The following EMSY variants were observed in gnomAD, a reference collection of about 807,000 sequenced individuals.
The protein encoded by EMSY is EMSY transcriptional repressor, BRCA2 interacting.
A neutral mutation model predicts 134.6 loss-of-function variants in EMSY; 26 were observed. The ratio of observed to expected loss-of-function variants is 0.19; its 90% CI spans 0.14 to 0.27. The LOEUF (loss-of-function observed/expected upper bound fraction) is 0.27. Among genes scored for constraint, EMSY ranks in the 10% least tolerant of loss-of-function variants. The probability of loss-of-function intolerance (pLI) is 1.00; values close to 1 mark genes in which losing one functional copy is unlikely to be tolerated. For missense variants in EMSY, 1,305 were observed against 1,611.4 expected (o/e 0.81, Z 3.26); for synonymous variants, 579 against 577.8 (o/e 1.00, Z -0.03).
At chr11:76,477,394 A>T (rs928703637) in intron 8 of EMSY, among the ~76,000 whole-genome samples, 2 of 151,634 alleles carry the variant, frequency 1.3e-5, no homozygotes, top group African/African-American at 4.8e-5. Context: ...AAAATCAGGT[A>T]TGTTCTGAGA....
chr11:76,536,058 A>G (rs1230093412), exon 15 of EMSY: 1 of 1,538,022 alleles, frequency 6.5e-7, no homozygotes, highest in Non-Finnish European at 8.8e-7. Context: ...AACAGACAAC[A>G]GGTATGAATT....
At chr11:76,495,749 G>T (rs1272250553) in intron 8 of EMSY, among the ~76,000 whole-genome samples, 1 of 152,124 alleles carries the variant, frequency 6.6e-6, no homozygotes, top group Non-Finnish European at 1.5e-5. Flanking sequence ...AAAGATGAAT[G>T]TGAGTTATTT....
chr11:76,514,814 C>T (rs1353052493), intron 10 of EMSY, among the ~76,000 whole-genome samples: 1 of 152,110 alleles, frequency 6.6e-6, no homozygotes, highest in Non-Finnish European at 1.5e-5. Flanking sequence ...AAAGCCTGTG[C>T]TTTTAAACAC....
chr11:76,488,524 A>ATTTTTTTTTTTTTTTT (rs67150598), intron 8 of EMSY, among the ~76,000 whole-genome samples: 1 of 138,676 alleles, frequency 7.2e-6, no homozygotes, highest in Non-Finnish European at 1.6e-5. Context: ...TATTTATGCT[A>ATTTTTTTTTTTTTTTT]TTTTTTTTTT....
At chr11:76,544,488 T>A (rs1164255449) in exon 19 of EMSY, 3 of 1,613,886 alleles carry the variant, frequency 1.9e-6, no homozygotes, top group Admixed American at 1.7e-5. Context: ...AAGCAGACCA[T>A]CCACCTGCAG....
chr11:76,541,956 C>T (rs565719979), intron 17 of EMSY: 19 of 599,180 alleles, frequency 3.2e-5, no homozygotes, highest in Middle Eastern at 4.4e-4. Flanking sequence ...ACAGTGCTTC[C>T]GTATACATTT....
intron 8 of EMSY, among the ~76,000 whole-genome samples, chr11:76,474,149 T>C (rs1464264691): frequency 2.0e-5 from 3 of 150,200 alleles, no homozygotes; most frequent in Non-Finnish European, 4.4e-5. Flanking sequence ...AAAGGAAATA[T>C]GGAAATCTGA....
intron 8 of EMSY, among the ~76,000 whole-genome samples, chr11:76,473,253 T>A (rs564102579): frequency 5.4e-4 from 82 of 152,222 alleles, no homozygotes; most frequent in African/African-American, 1.6e-3. Context: ...AGGAAGAAGA[T>A]GGTTTCAAGG....
At chr11:76,449,456 G>T (rs1195465288) in intron 2 of EMSY, among the ~76,000 whole-genome samples, 1 of 152,164 alleles carries the variant, frequency 6.6e-6, no homozygotes, top group Non-Finnish European at 1.5e-5. Flanking sequence ...TATTTCTTTA[G>T]TTAATTTTAT....
chr11:76,528,729 A>G (rs1950933716), intron 14 of EMSY, among the ~76,000 whole-genome samples: 1 of 152,110 alleles, frequency 6.6e-6, no homozygotes, highest in South Asian at 2.1e-4. Context: ...AGGTAATATT[A>G]AACTGGATAG....
At chr11:76,539,111 AGATT>A (rs1951336156) in intron 16 of EMSY, among the ~76,000 whole-genome samples, 1 of 152,116 alleles carries the variant, frequency 6.6e-6, no homozygotes, top group African/African-American at 2.4e-5. Context: ...AAAACAAGAT[AGATT>A]GTTTCTCTCC....
At chr11:76,496,281 C>T (rs1470598042) in exon 9 of EMSY, 2 of 1,613,984 alleles carry the variant, frequency 1.2e-6, no homozygotes, top group Admixed American at 3.3e-5. Flanking sequence ...TTAGTGAGTG[C>T]CCCAACTCAG....
chr11:76,520,508 A>G (rs1590961140), intron 11 of EMSY, among the ~76,000 whole-genome samples: 1 of 152,190 alleles, frequency 6.6e-6, no homozygotes, highest in East Asian at 1.9e-4. Flanking sequence ...ATTAAGAGTT[A>G]AAGTTAGTAT....
chr11:76,537,302 G>C (rs1279121067), intron 15 of EMSY, among the ~76,000 whole-genome samples: 1 of 152,138 alleles, frequency 6.6e-6, no homozygotes, highest in East Asian at 1.9e-4. Context: ...TTCTTTAAAA[G>C]TTGTTGAAGA....
intron 7 of EMSY, among the ~76,000 whole-genome samples, chr11:76,469,459 A>C (rs1016106934): frequency 6.6e-6 from 1 of 152,168 alleles, no homozygotes; most frequent in Admixed American, 6.6e-5. Context: ...AGAATTTGGG[A>C]AAAAAATAAG....
At chr11:76,513,322 G>T (rs1950341010) in intron 9 of EMSY, 64 bp from the exon 11 acceptor site, 4 of 1,511,110 alleles carry the variant, frequency 2.6e-6, no homozygotes, top group Non-Finnish European at 2.7e-6. Flanking sequence ...GCCCTCTTGG[G>T]TTGGTATAAG....
chr11:76,450,047 T>A (rs1216064794), intron 2 of EMSY, among the ~76,000 whole-genome samples: 1 of 135,794 alleles, frequency 7.4e-6, no homozygotes, highest in Admixed American at 8.7e-5. Flanking sequence ...CTATTTCTTT[T>A]GTACATTTGC....
At chr11:76,528,189 T>C in intron 13 of EMSY, 79 bp from the exon 15 acceptor site, 1 of 1,249,980 alleles carries the variant, frequency 8.0e-7, no homozygotes, top group Non-Finnish European at 1.1e-6. Context: ...AGGAAAATAT[T>C]AGTTTATGAC....
At chr11:76,500,174 T>C (rs1949807484) in intron 9 of EMSY, among the ~76,000 whole-genome samples, 1 of 151,738 alleles carries the variant, frequency 6.6e-6, no homozygotes, top group African/African-American at 2.4e-5. Flanking sequence ...ATATTTGAAA[T>C]AATTTTATCT....
Sources: gnomAD v4.1 joint callset for allele counts (sites outside exome capture counted in the v4.1 genomes callset) on GRCh38, gnomAD v4.1.1 for gene constraint, MANE v1.5 for transcripts, NCBI Gene and HGNC (gene_info 2026-07-23, HGNC 2026-07-21) for gene names.